The following MAST4 variants were observed in gnomAD, a reference collection of about 807,000 sequenced individuals.
The protein encoded by MAST4 is microtubule-associated serine/threonine-protein kinase 4.
MAST4 carries 89 observed loss-of-function variants against 162.7 expected under a neutral mutation model. That is an observed-to-expected ratio of 0.55 (90% CI 0.46 to 0.65). The LOEUF (loss-of-function observed/expected upper bound fraction) is 0.65, where lower values mean the gene tolerates loss of function less well. MAST4 is among the 30% of genes least tolerant of loss of function. MAST4 has a pLI of 0.00. For synonymous variants in MAST4, 1,479 were observed against 1,361.1 expected (o/e 1.09, Z -1.91); for missense variants, 3,153 against 3,374.0 (o/e 0.93, Z 1.62).
chr5:67,080,160 C>G (rs1208896704), intron 5 of MAST4, among the ~76,000 whole-genome samples: 1 of 152,200 alleles, frequency 6.6e-6, no homozygotes, highest in Non-Finnish European at 1.5e-5. Flanking sequence ...GCCAAGATCA[C>G]TTGAAGGAAG....
At chr5:66,685,575 G>A (rs1301909780) in intron 1 of MAST4, among the ~76,000 whole-genome samples, 1 of 151,816 alleles carries the variant, frequency 6.6e-6, no homozygotes, top group Admixed American at 6.6e-5. Context: ...TCAAACTAGG[G>A]AACAAAATTC....
intron 4 of MAST4, among the ~76,000 whole-genome samples, chr5:66,996,637 A>C (rs1046747123): frequency 6.6e-6 from 1 of 152,154 alleles, no homozygotes; most frequent in South Asian, 2.1e-4. Flanking sequence ...TGCCTTCTCC[A>C]GCTCCTAGAG....
intron 19 of MAST4, among the ~76,000 whole-genome samples, chr5:67,139,977 A>G (rs970740121): frequency 2.0e-5 from 3 of 152,214 alleles, no homozygotes; most frequent in African/African-American, 7.2e-5. Context: ...CAGAGATGAA[A>G]TGAAGGCTCT....
intron 3 of MAST4, among the ~76,000 whole-genome samples, chr5:66,855,927 T>A (rs1759649282): frequency 6.6e-6 from 1 of 152,108 alleles, no homozygotes; most frequent in Non-Finnish European, 1.5e-5. Flanking sequence ...TTTGGGAGGC[T>A]GAGTTGGGAG....
intron 6 of MAST4, 53 bp from the exon 7 acceptor site, chr5:67,095,544 C>A (rs759504922): frequency 7.2e-7 from 1 of 1,379,566 alleles, no homozygotes; most frequent in Non-Finnish European, 1.0e-6. Flanking sequence ...CCCTGGGGTT[C>A]CCATGTGACA....
At chr5:66,632,693 T>C (rs1392948521) in intron 1 of MAST4, among the ~76,000 whole-genome samples, 1 of 152,200 alleles carries the variant, frequency 6.6e-6, no homozygotes, top group Non-Finnish European at 1.5e-5. Flanking sequence ...ATGGCTGATG[T>C]AGATACTTGG....
Position 67,166,818 on chromosome 5 carries a change from C to T in MAST4, c.7639C>T (p.Arg2547Trp), listed in dbSNP as rs1388288263. 7 of 1,604,378 alleles carry T rather than the reference C, an allele frequency of 4.4e-6. No individual in the cohort carries two copies. Among genetic ancestry groups the T allele is most frequent in the African/African-American group, 1.3e-5 (1 of 74,636 alleles). ...AAACACCATGGGCGGGGCCAGCCAC[C>T]GGGACAGGGCTCTCTCGGTGACTGC... ...DPNTMGGASH[R>W]DRALSVTATV... The change falls in exon 29 of 29, where the codon CGG (arginine) becomes TGG (tryptophan). Residue 2547 changes from arginine (R) to tryptophan (W), a missense_variant. Physicochemically the swap from Arg to Trp is moderately radical, Grantham distance 101. This residue lies in a region of MAST4 where 1,644 missense variants were observed against 1,495.0 expected (regional missense o/e 1.10). Transcript: ENST00000403625.
chr5:66,994,226 T>G (rs1455551867), intron 4 of MAST4, among the ~76,000 whole-genome samples: 2 of 152,164 alleles, frequency 1.3e-5, no homozygotes, highest in African/African-American at 2.4e-5. Flanking sequence ...GAAAATCTAT[T>G]GTTCCTTTAT....
intron 1 of MAST4, among the ~76,000 whole-genome samples, chr5:66,597,494 G>A (rs1166401289): frequency 6.6e-6 from 1 of 151,922 alleles, no homozygotes; most frequent in African/African-American, 2.4e-5. Flanking sequence ...AGTTGCCTGC[G>A]GAGGTTTCAG....
At chr5:66,903,034 T>C (rs368736317) in intron 4 of MAST4, among the ~76,000 whole-genome samples, 1 of 152,222 alleles carries the variant, frequency 6.6e-6, no homozygotes, top group African/African-American at 2.4e-5. Context: ...AAGAATAAAA[T>C]GATAAGCAAG....
intron 3 of MAST4, among the ~76,000 whole-genome samples, chr5:66,867,571 C>T (rs1760621748): frequency 6.6e-6 from 1 of 152,202 alleles, no homozygotes; most frequent in South Asian, 2.1e-4. Context: ...CTTCATTATG[C>T]ACATGTCAAC....
At chr5:66,790,084 A>G (rs773337185) in intron 3 of MAST4, among the ~76,000 whole-genome samples, 5 of 132,720 alleles carry the variant, frequency 3.8e-5, no homozygotes, top group African/African-American at 5.9e-5. Context: ...TTACTTTTGC[A>G]TGGGTGGTAG....
At chr5:66,759,959 T>A in intron 2 of MAST4, 97 bp downstream of exon 2, 2 of 1,327,806 alleles carry the variant, frequency 1.5e-6, no homozygotes, top group Non-Finnish European at 2.0e-6. Context: ...TTCTTAAGAA[T>A]GGGCCTGCCT....
intron 4 of MAST4, among the ~76,000 whole-genome samples, chr5:66,928,574 A>G (rs751244991): frequency 1.4e-4 from 21 of 152,146 alleles, no homozygotes; most frequent in Admixed American, 6.5e-5. Context: ...TCTCTACTAC[A>G]TTACCTGTTA....
rs139759972 is a variant in MAST4 at position 66,892,086 on chromosome 5, C to T, written c.643-7865C>T. 7.9e-4 allele frequency among the ~76,000 whole-genome samples: 121 copies of T among 152,308 alleles called. No homozygotes were observed. In the East Asian group the frequency reaches 0.018, roughly 23 times the overall value. On this transcript the variant is annotated intron_variant, in intron 3 of 28. Coordinates refer to ENST00000403625, the MANE Select transcript of MAST4 (RefSeq NM_001164664.2). ...GAAGCCCTGAGCAAACATCATTTTGCATCTTATGCATCATTATGCATCATT... is the reference window on the plus strand; with the variant it reads ...GAAGCCCTGAGCAAACATCATTTTGTATCTTATGCATCATTATGCATCATT...
chr5:67,153,705 A>G (rs1205647359), intron 26 of MAST4, 125 bp downstream of exon 26: 6 of 909,556 alleles, frequency 6.6e-6, no homozygotes, highest in Non-Finnish European at 7.7e-6. Flanking sequence ...CATTAGTCTC[A>G]AGTTTAAAGA....
intron 13 of MAST4, among the ~76,000 whole-genome samples, chr5:67,120,167 G>A (rs1234417837): frequency 6.6e-6 from 1 of 152,170 alleles, no homozygotes; most frequent in African/African-American, 2.4e-5. Context: ...AGTGTTGGGT[G>A]GGTTATCTGT....
chr5:66,804,433 T>C (rs563391289), intron 3 of MAST4, among the ~76,000 whole-genome samples: 2 of 152,304 alleles, frequency 1.3e-5, no homozygotes, highest in South Asian at 2.1e-4. Context: ...TCTACATGTC[T>C]TCCCGTGGGA....
rs765163413 is a variant in MAST4, at chr5:67,144,765, A to G, written c.2827A>G (p.Thr943Ala). ...TKSTTLPSTE[T>A]LSWSSEYSEM... ...AAGCACCACCTTGCCATCCACAGAA[A>G]CACTGAGCTGGAGTTCAGAATATTC... The change falls in exon 22 of 29, where the codon ACA (threonine) becomes GCA (alanine). Residue 943 changes from threonine to alanine, a missense_variant. Thr to Ala is a moderately conservative substitution (Grantham distance 58). Coordinates refer to ENST00000403625, the MANE Select transcript of MAST4 (RefSeq NM_001164664.2). 1 of 1,613,034 alleles carries G rather than the reference A, an allele frequency of 6.2e-7. No homozygotes were observed. The highest frequency in any genetic ancestry group is 8.5e-7 in the Non-Finnish European group (1 of 1,179,400).
Sources: allele counts gnomAD v4.1 joint callset (sites outside exome capture counted in the v4.1 genomes callset), GRCh38; gene constraint gnomAD v4.1.1; regional missense constraint gnomAD v4.1.1; transcripts MANE v1.5; gene names NCBI Gene and HGNC (gene_info 2026-07-23, HGNC 2026-07-21).